The following USP9Y variants were observed in gnomAD, a reference collection of about 807,000 sequenced individuals.
USP9Y encodes the protein ubiquitin specific peptidase 9 Y-linked.
In USP9Y, 41 loss-of-function variants were observed where a neutral mutation model predicts 53.1. The ratio of observed to expected loss-of-function variants is 0.77; its 90% CI spans 0.60 to 1.00. The LOEUF (loss-of-function observed/expected upper bound fraction) is 1.00, where lower values mean the gene tolerates loss of function less well. USP9Y is among the 50% of genes least tolerant of loss of function. The pLI, the probability that USP9Y is intolerant of heterozygous loss-of-function variation, is 0.00. For synonymous variants in USP9Y, 220 were observed against 173.7 expected, an observed-to-expected ratio of 1.27 and a Z score of -2.09; for missense variants, 567 against 535.8, an observed-to-expected ratio of 1.06 and a Z score of -0.58.
chrY:12,766,995 G>GT (rs2053480567), intron 15 of USP9Y, among the ~76,000 whole-genome samples: 2 of 32,945 alleles, frequency 6.1e-5, no homozygotes, highest in Non-Finnish European at 1.5e-4. Flanking sequence ...GCAGACACAG[G>GT]TTTTTTTTGC....
intron 27 of USP9Y, among the ~76,000 whole-genome samples, chrY:12,807,732 C>T (rs2053526140): frequency 3.1e-5 from 1 of 32,061 alleles, no homozygotes; most frequent in Non-Finnish European, 7.5e-5. Context: ...TTTCACTTCA[C>T]ATTGGTCATA....
intron 3 of USP9Y, among the ~76,000 whole-genome samples, chrY:12,715,066 T>C (rs2053429374): frequency 3.2e-5 from 1 of 31,675 alleles, no homozygotes; most frequent in African/African-American, 1.2e-4. Flanking sequence ...TTTTTAGTTC[T>C]ACCATGTAGA....
chrY:12,840,272 G>A lies in USP9Y; in HGVS notation c.5746G>A (p.Glu1916Lys). 2.5e-6 allele frequency: 1 copy of A among 398,635 alleles called. No individual in the cohort carries two copies. The highest frequency in any genetic ancestry group is 3.5e-6 in the Non-Finnish European group (1 of 283,487). Reference protein sequence around the residue: ...DVTECKMDDDEEMKNQCFGGE... With the variant: ...DVTECKMDDDKEMKNQCFGGE... Reference sequence around the variant, plus strand: ...AACAGAATGCAAAATGGATGATGATGAAGAAATGAAAAATCAGTGTTTTGG... The same window carrying A: ...AACAGAATGCAAAATGGATGATGATAAAGAAATGAAAAATCAGTGTTTTGG... Residue 1916 changes from glutamate to lysine, a missense_variant, in exon 36 of 46, where the codon GAA becomes AAA. Physicochemically the swap from Glu to Lys is moderately conservative, Grantham distance 56 (BLOSUM62 1). Transcript: ENST00000338981.
intron 1 of USP9Y, among the ~76,000 whole-genome samples, chrY:12,705,396 T>C: frequency 3.0e-5 from 1 of 32,924 alleles, no homozygotes; most frequent in Non-Finnish European, 7.5e-5. Flanking sequence ...ATGTGCCATA[T>C]ACACTTGAAA....
chrY:12,720,485 G>C, intron 3 of USP9Y, 104 bp from the exon 4 acceptor site: 2 of 210,102 alleles, frequency 9.5e-6, no homozygotes, highest in Non-Finnish European at 1.6e-5. Flanking sequence ...TAAACATTGT[G>C]ACCCTAGTTT....
intron 12 of USP9Y, among the ~76,000 whole-genome samples, chrY:12,740,065 G>A: frequency 3.0e-5 from 1 of 32,983 alleles, no homozygotes; most frequent in Non-Finnish European, 7.5e-5. Context: ...AGACATTTTG[G>A]CACAATGGTC....
Position 12,816,171 on chromosome Y carries a change from C to A in USP9Y, c.4657C>A (p.Arg1553Ser). 2.5e-6 allele frequency: 1 copy of A among 398,692 alleles called. No homozygotes were observed. Among genetic ancestry groups the A allele is most frequent in the Non-Finnish European group, 3.5e-6 (1 of 283,541 alleles). The change falls in exon 32 of 46, where the codon CGC (arginine) becomes AGC (serine). Residue 1553 changes from arginine (R) to serine (S), a missense_variant. Transcript: ENST00000338981. ...EWEYLPPVGP[R>S]PPKGFVGLKN... ...GGAATATCTGCCCCCTGTTGGACCC[C>A]GCCCACCAAAAGGATTTGTGGGACT...
chrY:12,780,484 C>T, intron 22 of USP9Y, among the ~76,000 whole-genome samples: 1 of 33,099 alleles, frequency 3.0e-5, no homozygotes. Context: ...CGAAGCACAC[C>T]CTCCTAAAAA....
Position 12,860,357 on chromosome Y carries a change from G to A in USP9Y, c.*941G>A. On this transcript the variant is annotated 3_prime_UTR_variant, in exon 46 of 46. Transcript: ENST00000338981. ...AATAGATTGTATTTGGTGTGCTTGC[G>A]ATTTTTTTTTTCCATAGAATTTATT... The A allele has an allele frequency of 3.1e-5, 1 of 32,325 alleles. No individual in the cohort carries two copies. Among genetic ancestry groups the A allele is most frequent in the African/African-American group, 1.2e-4 (1 of 8,327 alleles). 8.1% of individuals were successfully genotyped at this position (32,325 alleles called of 400,897 possible).
At chrY:12,834,457 G>A (rs747765658) in intron 34 of USP9Y, among the ~76,000 whole-genome samples, 44 of 33,023 alleles carry the variant, frequency 1.3e-3, no homozygotes, top group Non-Finnish European at 2.6e-3. Context: ...TTTAAACTGT[G>A]CCCCATTCTA....
At position 12,775,547 on chromosome Y, in the gene USP9Y, C is replaced by T; in HGVS notation, c.2408C>T (p.Pro803Leu). ...LLKEIYTNLG[P>L]RLKANQVVIH... ...AAAGAGATATACACAAACCTTGGCC[C>T]AAGATTAAAAGCCAATCAGGTGAGA... The change falls in exon 18 of 46, where the codon CCA (proline) becomes CTA (leucine). Residue 803 changes from proline (P) to leucine (L), a missense_variant. Transcript: ENST00000338981. 5.1e-6 allele frequency: 2 copies of T among 391,647 alleles called. No individual in the cohort carries two copies. The highest frequency in any genetic ancestry group is 7.2e-6 in the Non-Finnish European group (2 of 279,034).
In USP9Y at chrY:12,778,020, G is replaced by A; in HGVS notation, c.2641G>A (p.Ala881Thr). The part of the protein sequence containing the change: ...KERMILPMSR[A>T]FRGKHLSLIV... ...TTTATTTACTTATTTATTTTTCAGA[G>A]CATTTCGTGGCAAACACCTCTCTCT... is the stretch of plus-strand genomic sequence containing the variant. Residue 881 changes from alanine to threonine, a missense_variant and splice_region_variant, in exon 20 of 46, where the codon GCA becomes ACA. Ala to Thr is a moderately conservative substitution (Grantham distance 58). Transcript: ENST00000338981. 2.6e-6 allele frequency: 1 copy of A among 386,215 alleles called. No homozygotes were observed. The highest frequency in any genetic ancestry group is 6.6e-5 in the African/African-American group (1 of 15,077).
In USP9Y at chrY:12,760,494, C is replaced by T; in HGVS notation, c.1777C>T (p.Arg593Ter). The T allele has an allele frequency of 2.5e-6, 1 of 397,527 alleles. No individual in the cohort carries two copies. Among genetic ancestry groups the T allele is most frequent in the Non-Finnish European group, 3.5e-6 (1 of 282,648 alleles). The change falls in exon 15 of 46, where the codon CGA (arginine) becomes TGA (stop). Residue 593 changes from arginine (R) to a stop codon, truncating the protein, a stop_gained. Coordinates refer to ENST00000338981, the MANE Select transcript of USP9Y (RefSeq NM_004654.4). LOFTEE classifies it high-confidence loss of function. ...EASQNLSQTQ[R>*]SPHIFYRHDL... ...TTCTTCTTATTTCAGTCAAACTCAG[C>T]GAAGTCCCCACATATTTTATCGCCA... is the stretch of plus-strand genomic sequence containing the variant.
intron 44 of USP9Y, 149 bp downstream of exon 44, chrY:12,856,994 TG>T (rs2053578449): frequency 6.9e-6 from 1 of 145,832 alleles, no homozygotes; most frequent in Non-Finnish European, 1.2e-5. Flanking sequence ...TTGATTTGTT[TG>T]ATCTTAAGTT....
chrY:12,791,760 A>T, intron 26 of USP9Y, 136 bp downstream of exon 26: 1 of 138,693 alleles, frequency 7.2e-6, no homozygotes, highest in Admixed American at 1.5e-4. Context: ...CTACCTATAA[A>T]TAAAATGAGA....
chrY:12,747,260 G>C (rs2053461330), intron 12 of USP9Y, among the ~76,000 whole-genome samples: 1 of 33,534 alleles, frequency 3.0e-5, no homozygotes, highest in African/African-American at 1.2e-4. Context: ...AGTCTCCTGT[G>C]CCTAGTAAAC....
At chrY:12,761,051 T>C in intron 15 of USP9Y, among the ~76,000 whole-genome samples, 1 of 34,330 alleles carries the variant, frequency 2.9e-5, no homozygotes, top group African/African-American at 1.1e-4. Context: ...AGCATCTGCT[T>C]CTCCGGCCCA....
At chrY:12,840,730 A>T in intron 36 of USP9Y, 116 bp downstream of exon 36, 1 of 228,362 alleles carries the variant, frequency 4.4e-6, no homozygotes, top group Non-Finnish European at 6.7e-6. Flanking sequence ...TTATTTTTTC[A>T]TAGAATCTTT....
intron 24 of USP9Y, among the ~76,000 whole-genome samples, chrY:12,787,592 T>C (rs1009659402): frequency 3.0e-5 from 1 of 33,533 alleles, no homozygotes; most frequent in Admixed American, 2.7e-4. Flanking sequence ...TGTTAATAAT[T>C]ATTGAAGCTA....
Sources: allele counts gnomAD v4.1 joint callset (sites outside exome capture counted in the v4.1 genomes callset), GRCh38; gene constraint gnomAD v4.1.1; transcripts MANE v1.5; gene names NCBI Gene and HGNC (gene_info 2026-07-23, HGNC 2026-07-21).